Variants in OSCP1 observed in about 807,000 individuals in gnomAD.
OSCP1 encodes protein OSCP1.
In OSCP1, 35 loss-of-function variants were observed where a neutral mutation model predicts 45.1. The ratio of observed to expected loss-of-function variants is 0.78; its 90% CI spans 0.59 to 1.03. The LOEUF (loss-of-function observed/expected upper bound fraction) is 1.03. OSCP1 is among the 50% of genes least tolerant of loss of function. The probability of loss-of-function intolerance (pLI) is 0.00; values close to 1 mark genes in which losing one functional copy is unlikely to be tolerated. For missense variants in OSCP1, 400 were observed against 470.7 expected (o/e 0.85, Z 1.39); for synonymous variants, 179 against 180.1 (o/e 0.99, Z 0.05).
intron 8 of OSCP1, chr1:36,419,397 C>G: frequency 3.3e-6 from 1 of 303,672 alleles, no homozygotes; most frequent in Non-Finnish European, 6.1e-6. Flanking sequence ...ACTGAAATAA[C>G]TTATATCTGT....
chr1:36,450,249 G>A lies in OSCP1; in HGVS notation c.112+9C>T, dbSNP rs894900389. ...GCGGGTCTGGCTGAGCGGGCCGGGG[G>A]CCTCTCACCTTTGCGGGCCTTGTCT... On this transcript the variant is annotated intron_variant, in intron 1 of 9. Coordinates refer to ENST00000235532, the MANE Select transcript of OSCP1 (RefSeq NM_145047.5). 2.5e-6 allele frequency: 4 copies of A among 1,610,452 alleles called. No homozygotes were observed. Among genetic ancestry groups the A allele is most frequent in the Non-Finnish European group, 3.4e-6 (4 of 1,176,990 alleles).
chr1:36,432,667 C>A, intron 2 of OSCP1, 78 bp from the exon 3 acceptor site: 2 of 1,566,740 alleles, frequency 1.3e-6, no homozygotes, highest in Non-Finnish European at 1.8e-6. Flanking sequence ...GTGATTCAGT[C>A]AAGCATTTAC....
intron 1 of OSCP1, among the ~76,000 whole-genome samples, chr1:36,446,345 T>A (rs1045312734): frequency 1.3e-5 from 2 of 152,106 alleles, no homozygotes; most frequent in East Asian, 3.8e-4. Flanking sequence ...ATTTAACTGG[T>A]GGTATAGTGT....
chr1:36,441,859 G>C (rs553692624), intron 1 of OSCP1, among the ~76,000 whole-genome samples: 1 of 151,898 alleles, frequency 6.6e-6, no homozygotes, highest in African/African-American at 2.4e-5. Flanking sequence ...CTAAGTGTTG[G>C]TTTTTGGCAT....
At chr1:36,431,917 T>G (rs1291768463) in intron 3 of OSCP1, 35 bp from the exon 4 acceptor site, 4 of 1,598,332 alleles carry the variant, frequency 2.5e-6, no homozygotes, top group Non-Finnish European at 2.6e-6. Flanking sequence ...CACTTCACTT[T>G]CCAAGAGGGA....
chr1:36,438,726 CCAAGATGA>C lies in OSCP1; in HGVS notation c.267+22_267+29del, dbSNP rs776220030. On this transcript the variant is annotated intron_variant, in intron 2 of 9. Coordinates refer to ENST00000235532, the MANE Select transcript of OSCP1 (RefSeq NM_145047.5). ...TCCACAAAAGGTACAAAAAATGCAA[CCAAGATGA>C]CAAAGGCAGCTGTCTGCTCACCTTA... The C allele has an allele frequency of 7.0e-6, 11 of 1,574,748 alleles. No homozygotes were observed. The South Asian group carries it at 1.3e-4, about 18-fold the overall frequency.
chr1:36,427,299 C>CTTTTTTTTTTTTTTTTTTTTT (rs71053929), intron 4 of OSCP1, among the ~76,000 whole-genome samples: 6 of 96,304 alleles, frequency 6.2e-5, no homozygotes, highest in African/African-American at 2.4e-4. Context: ...GGCGCCTGGC[C>CTTTTTTTTTTTTTTTTTTTTT]TTTTTTTTTT....
At chr1:36,423,295 C>T in intron 5 of OSCP1, 68 bp downstream of exon 5, 1 of 1,251,968 alleles carries the variant, frequency 8.0e-7, no homozygotes, top group Non-Finnish European at 1.2e-6. Flanking sequence ...GTGCGGCATT[C>T]CGTGTGCGGC....
chr1:36,427,353 G>C (rs1648040493), intron 4 of OSCP1, among the ~76,000 whole-genome samples: 1 of 137,870 alleles, frequency 7.3e-6, no homozygotes, highest in African/African-American at 2.8e-5. Context: ...CTGGAGTACA[G>C]TGAACATGAT....
chr1:36,435,900 G>A (rs1323963627), intron 2 of OSCP1, among the ~76,000 whole-genome samples: 3 of 152,012 alleles, frequency 2.0e-5, no homozygotes, highest in East Asian at 3.9e-4. Context: ...CCAAAGTCCT[G>A]GGATTACAGG....
intron 4 of OSCP1, among the ~76,000 whole-genome samples, chr1:36,425,238 G>A (rs1345357987): frequency 6.6e-6 from 1 of 151,926 alleles, no homozygotes; most frequent in Non-Finnish European, 1.5e-5. Flanking sequence ...AATGCAAAGC[G>A]ATAAGAATGT....
At chr1:36,433,709 C>T (rs1274021876) in intron 2 of OSCP1, among the ~76,000 whole-genome samples, 3 of 152,004 alleles carry the variant, frequency 2.0e-5, no homozygotes, top group Non-Finnish European at 2.9e-5. Flanking sequence ...ATAATTTAGA[C>T]TAGATGTAGT....
chr1:36,439,824 G>A (rs1256640194), intron 1 of OSCP1, among the ~76,000 whole-genome samples: 3 of 152,190 alleles, frequency 2.0e-5, no homozygotes, highest in African/African-American at 7.2e-5. Flanking sequence ...AGAAAGAAGT[G>A]TACAAACTAA....
At position 36,419,266 on chromosome 1, in the gene OSCP1, C is replaced by T. The variant is rs907173935; in HGVS notation, c.960-212G>A. 5 of 549,842 alleles carry T rather than the reference C, an allele frequency of 9.1e-6. No homozygotes were observed. The African/African-American group carries it at 9.5e-5, about 10-fold the overall frequency. 34.1% of individuals were successfully genotyped at this position (549,842 alleles called of 1,614,324 possible). A position where few individuals can be genotyped will look rare whatever the true frequency, so the allele number is the denominator to read the frequency against. On this transcript the variant is annotated intron_variant, in intron 8 of 9. Coordinates refer to ENST00000235532, the MANE Select transcript of OSCP1 (RefSeq NM_145047.5). The stretch of plus-strand genomic sequence containing the variant: ...TGACTTTGCACATTATAAGCCCTGC[C>T]AAGAATGTTTCTTCCCTTCCTCTGC...
At chr1:36,418,951 A>C (rs777788860) in intron 9 of OSCP1, 40 bp downstream of exon 9, 1 of 1,467,692 alleles carries the variant, frequency 6.8e-7, no homozygotes, top group Non-Finnish European at 9.4e-7. Flanking sequence ...AAGATGAGGA[A>C]GCGAATACGA....
At chr1:36,426,266 T>A (rs1056421010) in intron 4 of OSCP1, among the ~76,000 whole-genome samples, 12 of 152,322 alleles carry the variant, frequency 7.9e-5, no homozygotes, top group Non-Finnish European at 1.2e-4. Context: ...CATGTGTGTG[T>A]CTGTGTTTGG....
intron 2 of OSCP1, among the ~76,000 whole-genome samples, chr1:36,435,091 C>CTTT (rs201268337): frequency 9.5e-5 from 12 of 125,742 alleles, no homozygotes; most frequent in South Asian, 2.5e-4. Flanking sequence ...TTTTCTTTTT[C>CTTT]TTTTTTTTTT....
chr1:36,429,400 A>AG (rs1373822319), intron 4 of OSCP1, among the ~76,000 whole-genome samples: 1 of 150,908 alleles, frequency 6.6e-6, no homozygotes, highest in Non-Finnish European at 1.5e-5. Context: ...AAAAAAAAAA[A>AG]GAGAAACATG....
intron 4 of OSCP1, among the ~76,000 whole-genome samples, chr1:36,424,765 G>C (rs1647863127): frequency 6.6e-6 from 1 of 152,200 alleles, no homozygotes; most frequent in South Asian, 2.1e-4. Context: ...AAAGATAGTA[G>C]CAGTTAATCA....
Sources: gnomAD v4.1 joint callset for allele counts (sites outside exome capture counted in the v4.1 genomes callset) on GRCh38, gnomAD v4.1.1 for gene constraint, MANE v1.5 for transcripts, NCBI Gene and HGNC (gene_info 2026-07-23, HGNC 2026-07-21) for gene names.